Variants in COPB1 observed in about 807,000 individuals in gnomAD.
COPB1 encodes coatomer subunit beta.
COPB1 carries 21 observed loss-of-function variants against 108.7 expected under a neutral mutation model. The ratio of observed to expected loss-of-function variants is 0.19; its 90% CI spans 0.14 to 0.28. COPB1 has a LOEUF of 0.28. Ranked by LOEUF, COPB1 falls within the 10% of genes least tolerant of loss-of-function variation. The pLI, the probability that COPB1 is intolerant of heterozygous loss-of-function variation, is 1.00. For synonymous variants in COPB1, 378 were observed against 386.8 expected (o/e 0.98, Z 0.27); for missense variants, 919 against 1,141.3 (o/e 0.81, Z 2.81).
intron 5 of COPB1, 62 bp from the exon 6 acceptor site, chr11:14,488,646 T>A: frequency 9.8e-7 from 1 of 1,024,972 alleles, no homozygotes; most frequent in Admixed American, 2.2e-5. Flanking sequence ...ACTTAATGCA[T>A]CTTAAAAAAT....
rs772150081 is a variant in COPB1, at chr11:14,483,016, T to A, written c.957+16A>T. 1.8e-5 allele frequency: 27 copies of A among 1,522,002 alleles called. No individual in the cohort carries two copies. The highest frequency in any genetic ancestry group is 2.4e-5 in the Non-Finnish European group (27 of 1,124,136). 94.3% of individuals were successfully genotyped at this position (1,522,002 alleles called of 1,614,324 possible). A position where few individuals can be genotyped will look rare whatever the true frequency, so the allele number is the denominator to read the frequency against. ...AACATTTTATTTAGGATCTCTCTTT[T>A]TCAGATAACACTTACCTGTAGTACT... On this transcript the variant is annotated intron_variant, in intron 8 of 21. Transcript: ENST00000439561.
At chr11:14,486,824 T>G (rs1156451372) in intron 6 of COPB1, among the ~76,000 whole-genome samples, 3 of 152,152 alleles carry the variant, frequency 2.0e-5, no homozygotes, top group Non-Finnish European at 2.9e-5. Flanking sequence ...TTTTTACTGT[T>G]TCGTAAAAGG....
chr11:14,486,248 G>A (rs2134120160), intron 7 of COPB1, 119 bp downstream of exon 7: 1 of 1,200,826 alleles, frequency 8.3e-7, no homozygotes, highest in Admixed American at 2.2e-5. Context: ...AATTTTATAA[G>A]TTTGTAGTTA....
At position 14,467,204 on chromosome 11, in the gene COPB1, A is replaced by T. The variant is rs1235712179; in HGVS notation, c.2146-778T>A. On this transcript the variant is annotated intron_variant, in intron 16 of 21. Coordinates refer to ENST00000439561, the MANE Select transcript of COPB1 (RefSeq NM_001144061.2). Reference sequence around the variant, plus strand: ...TAAAATTCAAACAAAAAAAACCAACAACCCAATTTAAAAATAGGCACAGGA... The same window carrying T: ...TAAAATTCAAACAAAAAAAACCAACTACCCAATTTAAAAATAGGCACAGGA... 4.6e-5 allele frequency among the ~76,000 whole-genome samples: 7 copies of T among 152,162 alleles called. 1 individual carries two copies. Among genetic ancestry groups the T allele is most frequent in the Non-Finnish European group, 7.4e-5 (5 of 68,014 alleles).
intron 6 of COPB1, 128 bp downstream of exon 6, chr11:14,488,364 G>A: frequency 2.2e-6 from 1 of 446,942 alleles, no homozygotes. Flanking sequence ...GGCTTTAATA[G>A]GCTATGCTAT....
chr11:14,466,507 G>C, intron 16 of COPB1, 81 bp from the exon 17 acceptor site: 2 of 1,406,752 alleles, frequency 1.4e-6, no homozygotes, highest in Non-Finnish European at 1.9e-6. Context: ...ATTAAGTCTG[G>C]TAGGTTATTA....
rs751708479 is a variant in COPB1 at position 14,493,689 on chromosome 11, G to C, written c.444C>G (p.His148Gln). 6.2e-7 allele frequency: 1 copy of C among 1,613,330 alleles called. No individual in the cohort carries two copies. The highest frequency in any genetic ancestry group is 8.5e-7 in the Non-Finnish European group (1 of 1,179,790). ...AAACAGCATTTCTTCTAACATAGCT[G>C]TGTCGATGCTCCAAACATGCACGAA... ...PAIRACLEHR[H>Q]SYVRRNAVLA... The change falls in exon 4 of 22, where the codon CAC becomes CAG. Residue 148 changes from histidine (H) to glutamine (Q), a missense_variant. Physicochemically the swap from His to Gln is conservative, Grantham distance 24. Coordinates refer to ENST00000439561, the MANE Select transcript of COPB1 (RefSeq NM_001144061.2).
rs556514865 is a variant in COPB1, at chr11:14,461,375, C to G, written c.2411-44G>C. ...AAAGATTCGCAATCACTGGGGCAAACTTGAATTTAAAAAATCTTAATATCC... is the reference window on the plus strand; with the variant it reads ...AAAGATTCGCAATCACTGGGGCAAAGTTGAATTTAAAAAATCTTAATATCC... On this transcript the variant is annotated intron_variant, in intron 18 of 21. Coordinates refer to ENST00000439561, the MANE Select transcript of COPB1 (RefSeq NM_001144061.2). 1.4e-5 allele frequency: 22 copies of G among 1,595,916 alleles called. No homozygotes were observed. In the Admixed American group the frequency reaches 2.1e-4, roughly 15 times the overall value.
At chr11:14,475,119 A>AAG (rs1565016788) in intron 13 of COPB1, among the ~76,000 whole-genome samples, 5 of 133,434 alleles carry the variant, frequency 3.7e-5, no homozygotes, top group Non-Finnish European at 7.8e-5. Context: ...AAAAAAAAAA[A>AAG]GAAAACTTAT....
intron 14 of COPB1, among the ~76,000 whole-genome samples, chr11:14,470,154 C>A (rs1310622204): frequency 6.6e-6 from 1 of 152,196 alleles, no homozygotes; most frequent in Non-Finnish European, 1.5e-5. Context: ...TTTTTTAAAT[C>A]CAGGATCAGC....
rs1321494135 is a variant in COPB1, at chr11:14,469,377, T to C, written c.1924A>G (p.Met642Val). The change falls in exon 15 of 22, where the codon ATG becomes GTG. Residue 642 changes from methionine (M) to valine (V), a missense_variant. Met to Val is a conservative substitution (Grantham distance 21, BLOSUM62 1). This residue lies in a region of COPB1 where 705 missense variants were observed against 817.8 expected (regional missense o/e 0.86). Coordinates refer to ENST00000439561, the MANE Select transcript of COPB1 (RefSeq NM_001144061.2). The part of the protein sequence containing the change: ...NKECRQSLSH[M>V]LSAKLEEEKL... ...TCTTCTTCTAGTTTAGCAGATAACA[T>C]GTGAGAAAGGGACTGTCTGCATTCC... 6.2e-7 allele frequency: 1 copy of C among 1,614,192 alleles called. No homozygotes were observed. The highest frequency in any genetic ancestry group is 2.2e-5 in the East Asian group (1 of 44,882).
intron 2 of COPB1, among the ~76,000 whole-genome samples, chr11:14,496,157 A>T (rs1851012349): frequency 1.3e-5 from 2 of 152,174 alleles, no homozygotes; most frequent in South Asian, 4.1e-4. Flanking sequence ...TTGAAGCATA[A>T]TTTTCACTCT....
In COPB1 at chr11:14,498,919, C is replaced by A. The variant is rs752729165; in HGVS notation, c.10G>T (p.Ala4Ser). The change falls in exon 2 of 22, where the codon GCT (alanine) becomes TCT (serine). Residue 4 changes from alanine (A) to serine (S), a missense_variant. Transcript: ENST00000439561. ...ATTAACGTGTAGCATACGTTCTCAG[C>A]CGCCGTCATGGTTTCTGGTTATATT... is the stretch of plus-strand genomic sequence containing the variant. Reference protein sequence around the residue: MTAAENVCYTLINV... With the variant: MTASENVCYTLINV... The A allele has an allele frequency of 1.2e-6, 2 of 1,607,628 alleles. No individual in the cohort carries two copies. The highest frequency in any genetic ancestry group is 1.7e-6 in the Non-Finnish European group (2 of 1,178,632).
Position 14,457,808 on chromosome 11 carries a change from G to A in COPB1, c.*16C>T, listed in dbSNP as rs200690876. 1.5e-5 allele frequency: 23 copies of A among 1,524,780 alleles called. No homozygotes were observed. In the East Asian group the frequency reaches 3.9e-4, roughly 26 times the overall value. 94.5% of individuals were successfully genotyped at this position (1,524,780 alleles called of 1,614,324 possible). ...CCTAAATTAACTGTAAAGCTTCAAG[G>A]ACTTTTTGTTTATTTTTATATACTA... On this transcript the variant is annotated 3_prime_UTR_variant, in exon 22 of 22. Transcript: ENST00000439561.
At chr11:14,463,478 C>G (rs1200655602) in intron 18 of COPB1, among the ~76,000 whole-genome samples, 4 of 152,088 alleles carry the variant, frequency 2.6e-5, no homozygotes, top group Non-Finnish European at 4.4e-5. Context: ...GCCATTACGC[C>G]CAATTAATTT....
Position 14,494,458 on chromosome 11 carries a change from TA to T in COPB1, c.92-20del. 4 of 1,288,874 alleles carry T rather than the reference TA, an allele frequency of 3.1e-6. No individual in the cohort carries two copies. Among genetic ancestry groups the T allele is most frequent in the East Asian group, 2.4e-5 (1 of 41,946 alleles). The allele number at this position is 1,288,874 out of a possible 1,614,324, so 79.8% of individuals were successfully genotyped here. A position where few individuals can be genotyped will look rare whatever the true frequency, so the allele number is the denominator to read the frequency against. On this transcript the variant is annotated intron_variant, in intron 2 of 21. Transcript: ENST00000439561. ...CCTTTTTCTGAATCAAAAATTTTTTTAAAAAAAAGCACAATTATTTCAAAAG... is the reference window on the plus strand; with the variant it reads ...CCTTTTTCTGAATCAAAAATTTTTTTAAAAAAAGCACAATTATTTCAAAAG...
intron 19 of COPB1, among the ~76,000 whole-genome samples, chr11:14,460,647 G>C (rs1850125153): frequency 6.6e-6 from 1 of 151,964 alleles, no homozygotes; most frequent in South Asian, 2.1e-4. Context: ...CTCCGGAGTA[G>C]CTGGGACTAC....
intron 18 of COPB1, among the ~76,000 whole-genome samples, chr11:14,462,437 T>A (rs997771718): frequency 2.0e-5 from 3 of 152,188 alleles, no homozygotes; most frequent in African/African-American, 7.2e-5. Context: ...TTTCACCATC[T>A]TGGCCAGGCT....
rs191381286 is a variant in COPB1, at chr11:14,483,042, C to T, written c.947G>A (p.Arg316Gln). ...IELKEHPAHE[R>Q]VLQDLVMDIL... The stretch of plus-strand genomic sequence containing the variant: ...TCAGATAACACTTACCTGTAGTACT[C>T]GTTCATGAGCAGGATGCTCTTTTAA... The change falls in exon 8 of 22, where the codon CGA becomes CAA. Residue 316 changes from arginine (R) to glutamine (Q), a missense_variant. Arg to Gln is a conservative substitution (Grantham distance 43). Around this residue, in one of 5 missense-constraint regions of COPB1, gnomAD observed 705 missense variants for 817.8 expected, o/e 0.86. Transcript: ENST00000439561. 8.9e-6 allele frequency: 14 copies of T among 1,565,740 alleles called. No homozygotes were observed. Among genetic ancestry groups the T allele is most frequent in the Admixed American group, 3.4e-5 (2 of 58,264 alleles).
Sources: allele counts gnomAD v4.1 joint callset (sites outside exome capture counted in the v4.1 genomes callset), GRCh38; gene constraint gnomAD v4.1.1; regional missense constraint gnomAD v4.1.1; transcripts MANE v1.5; gene names NCBI Gene and HGNC (gene_info 2026-07-23, HGNC 2026-07-21).